PCDHA2: variants seen among roughly 807,000 people sequenced by gnomAD.
PCDHA2 encodes protocadherin alpha 2.
In PCDHA2, 58 loss-of-function variants were observed where a neutral mutation model predicts 66.0. The observed-to-expected ratio is 0.88, with a 90% CI of 0.71 to 1.09. The LOEUF (loss-of-function observed/expected upper bound fraction) is 1.09. PCDHA2 is among the 50% of genes least tolerant of loss of function. The probability of loss-of-function intolerance (pLI) is 0.00; values close to 1 mark genes in which losing one functional copy is unlikely to be tolerated. For synonymous variants in PCDHA2, 634 were observed against 554.0 expected, an observed-to-expected ratio of 1.14 and a Z score of -2.03; for missense variants, 1,267 against 1,242.3, an observed-to-expected ratio of 1.02 and a Z score of -0.30.
At chr5:140,972,729 T>G (rs574244702) in intron 1 of PCDHA2, among the ~76,000 whole-genome samples, 47 of 147,600 alleles carry the variant, frequency 3.2e-4, no homozygotes, top group African/African-American at 1.1e-3. Context: ...AGTGGCGTAA[T>G]CCCGGCTCAC....
chr5:140,954,091 A>G (rs1055518318), intron 1 of PCDHA2, among the ~76,000 whole-genome samples: 1 of 152,204 alleles, frequency 6.6e-6, no homozygotes, highest in African/African-American at 2.4e-5. Flanking sequence ...AGCTCCATCC[A>G]TGTCCCTGCA....
chr5:140,875,767 A>G, intron 1 of PCDHA2: 1 of 1,614,144 alleles, frequency 6.2e-7, no homozygotes, highest in Non-Finnish European at 8.5e-7. Context: ...GTGCGGGCGG[A>G]GCGCGGAGTG....
intron 1 of PCDHA2, among the ~76,000 whole-genome samples, chr5:140,908,608 G>T (rs1350424326): frequency 6.6e-6 from 1 of 152,182 alleles, no homozygotes; most frequent in African/African-American, 2.4e-5. Flanking sequence ...GAAGGGCCTT[G>T]CTCCAAAATC....
At chr5:140,842,245 G>A in intron 1 of PCDHA2, 1 of 1,611,970 alleles carries the variant, frequency 6.2e-7, no homozygotes. Context: ...GGGGTAATTT[G>A]GATTTTGAAC....
chr5:140,885,945 TA>T (rs2060787135), intron 1 of PCDHA2, among the ~76,000 whole-genome samples: 1 of 152,206 alleles, frequency 6.6e-6, no homozygotes, highest in Non-Finnish European at 1.5e-5. Flanking sequence ...TTGACATTTT[TA>T]ATTAAAATTT....
At chr5:140,801,490 G>A (rs782381789) in intron 1 of PCDHA2, 7 of 1,614,006 alleles carry the variant, frequency 4.3e-6, no homozygotes, top group Middle Eastern at 1.7e-4. Context: ...CTGTGCGGGC[G>A]GAGCGCGGAG....
chr5:140,843,822 A>T, intron 1 of PCDHA2: 1 of 1,214,324 alleles, frequency 8.2e-7, no homozygotes, highest in Non-Finnish European at 1.2e-6. Context: ...GTGAAAATTT[A>T]AACATTGTTT....
intron 1 of PCDHA2, chr5:140,801,960 G>A: frequency 1.2e-6 from 2 of 1,614,196 alleles, no homozygotes; most frequent in Non-Finnish European, 1.7e-6. Context: ...ACTCGAAAAT[G>A]CACCAAATGG....
chr5:140,846,559 A>G (rs1780557744), intron 1 of PCDHA2, among the ~76,000 whole-genome samples: 1 of 147,840 alleles, frequency 6.8e-6, no homozygotes, highest in South Asian at 2.1e-4. Context: ...TATTTTTAGT[A>G]GAGTCGGGGT....
At chr5:140,799,910 A>T (rs754632137) in intron 1 of PCDHA2, among the ~76,000 whole-genome samples, 70 of 152,238 alleles carry the variant, frequency 4.6e-4, no homozygotes, top group Admixed American at 2.7e-3. Flanking sequence ...AAATGCGGCG[A>T]GAATTCATGC....
intron 1 of PCDHA2, among the ~76,000 whole-genome samples, chr5:140,954,919 C>T (rs246021): frequency 4.6e-5 from 7 of 151,890 alleles, no homozygotes; most frequent in African/African-American, 1.7e-4. Flanking sequence ...TTATGAATTA[C>T]GTCTTTAATT....
intron 1 of PCDHA2, chr5:140,801,789 A>G (rs1762785227): frequency 4.3e-6 from 7 of 1,614,036 alleles, no homozygotes; most frequent in Non-Finnish European, 5.9e-6. Context: ...CGTGTTGAAA[A>G]AAAATTTAAA....
In PCDHA2 at chr5:140,796,339, G is replaced by C; in HGVS notation, c.1375G>C (p.Glu459Gln). 3 of 1,611,516 alleles carry C rather than the reference G, an allele frequency of 1.9e-6. No homozygotes were observed. Among genetic ancestry groups the C allele is most frequent in the Non-Finnish European group, 2.5e-6 (3 of 1,179,242 alleles). The change falls in exon 1 of 4, where the codon GAG (glutamate) becomes CAG (glutamine). Residue 459 changes from glutamate to glutamine, a missense_variant. Physicochemically the swap from Glu to Gln is conservative, Grantham distance 29. Transcript: ENST00000526136. ...NDNAPAFAQP[E>Q]YTVFVKENNP... ...CAACGCGCCGGCGTTCGCACAGCCT[G>C]AGTACACAGTATTCGTGAAGGAGAA...
At chr5:140,834,566 G>A (rs2150221246) in intron 1 of PCDHA2, 1 of 1,614,096 alleles carries the variant, frequency 6.2e-7, no homozygotes, top group South Asian at 1.1e-5. Context: ...AGCTGGTGCC[G>A]CGCCTGTTCC....
intron 3 of PCDHA2, among the ~76,000 whole-genome samples, chr5:140,991,132 TAA>T (rs1345264253): frequency 2.0e-5 from 3 of 152,230 alleles, no homozygotes; most frequent in Non-Finnish European, 4.4e-5. Flanking sequence ...ACACAGCTAG[TAA>T]AAATGTTTTT....
chr5:140,898,674 C>G (rs1174441906), intron 1 of PCDHA2, among the ~76,000 whole-genome samples: 1 of 152,160 alleles, frequency 6.6e-6, no homozygotes, highest in Non-Finnish European at 1.5e-5. Context: ...GTGTTGCGGG[C>G]TGTTTTTTGG....
intron 1 of PCDHA2, chr5:140,843,599 T>G: frequency 6.3e-7 from 1 of 1,595,978 alleles, no homozygotes; most frequent in South Asian, 1.1e-5. Flanking sequence ...GAGGGTGTGC[T>G]CTGGTGAGGG....
chr5:140,929,736 T>A, intron 1 of PCDHA2: 1 of 201,874 alleles, frequency 5.0e-6, no homozygotes, highest in Non-Finnish European at 1.1e-5. Context: ...CTTAAACTAT[T>A]GCAATGCATT....
At chr5:140,870,439 G>A (rs374343977) in intron 1 of PCDHA2, 5 of 1,614,126 alleles carry the variant, frequency 3.1e-6, no homozygotes, top group African/African-American at 2.7e-5. Flanking sequence ...GGAGGTGGCC[G>A]ACGTGAACGA....
Sources: allele counts gnomAD v4.1 joint callset (sites outside exome capture counted in the v4.1 genomes callset), GRCh38; gene constraint gnomAD v4.1.1; transcripts MANE v1.5; gene names NCBI Gene and HGNC (gene_info 2026-07-23, HGNC 2026-07-21).